The following DCC variants were observed in gnomAD, a reference collection of about 807,000 sequenced individuals.
DCC encodes DCC netrin 1 receptor, also known as netrin receptor DCC.
A neutral mutation model predicts 172.5 loss-of-function variants in DCC; 58 were observed. That is an observed-to-expected ratio of 0.34 (90% CI 0.27 to 0.42). The LOEUF (loss-of-function observed/expected upper bound fraction) is 0.42. DCC is among the 10% of genes least tolerant of loss of function. The pLI is 1.00. For synonymous variants in DCC, 709 were observed against 644.5 expected, an observed-to-expected ratio of 1.10 and a Z score of -1.52; for missense variants, 1,740 against 1,791.0, an observed-to-expected ratio of 0.97 and a Z score of 0.51.
At chr18:53,176,124 T>C (rs1226261306) in intron 8 of DCC, among the ~76,000 whole-genome samples, 9 of 139,744 alleles carry the variant, frequency 6.4e-5, no homozygotes, top group African/African-American at 2.5e-4. Flanking sequence ...TGGCTAGCCA[T>C]ATGTAGAAAG....
chr18:53,346,798 A>G (rs1300816047), intron 15 of DCC, among the ~76,000 whole-genome samples: 1 of 152,178 alleles, frequency 6.6e-6, no homozygotes, highest in African/African-American at 2.4e-5. Flanking sequence ...TCACTTGAGA[A>G]TGGACTATAT....
chr18:53,102,987 C>T (rs2043194721), intron 7 of DCC, among the ~76,000 whole-genome samples: 2 of 152,030 alleles, frequency 1.3e-5, no homozygotes, highest in Non-Finnish European at 2.9e-5. Flanking sequence ...TTTTGAAAAA[C>T]ATGAAATGCT....
rs150299572 is a variant in DCC, at chr18:53,397,344, G to C, written c.2725G>C (p.Gly909Arg). Residue 909 changes from glycine to arginine, a missense_variant, in exon 18 of 29, where the codon GGC becomes CGC. By Grantham distance (125) the Gly-to-Arg change is moderately radical (BLOSUM62 -2). Transcript: ENST00000442544. Reference protein sequence around the residue: ...DTTSLSYTATGLKPNTMYEFS... With the variant: ...DTTSLSYTATRLKPNTMYEFS... ...AACATCTCTAAGTTACACAGCAACAGGCCTCAAACCAAACACAATGTATGA... is the reference window on the plus strand; with the variant it reads ...AACATCTCTAAGTTACACAGCAACACGCCTCAAACCAAACACAATGTATGA... 1.2e-6 allele frequency: 2 copies of C among 1,613,726 alleles called. No individual in the cohort carries two copies. Among genetic ancestry groups the C allele is most frequent in the Non-Finnish European group, 1.7e-6 (2 of 1,179,838 alleles).
chr18:52,785,255 G>C (rs28587032), intron 2 of DCC, among the ~76,000 whole-genome samples: 8,040 of 152,114 alleles, frequency 0.053, 289 homozygotes, highest in South Asian at 0.16. Context: ...TTTAACATGT[G>C]TAGTCCCTAG....
intron 22 of DCC, among the ~76,000 whole-genome samples, chr18:53,448,954 T>C (rs1448223821): frequency 6.6e-6 from 1 of 152,230 alleles, no homozygotes; most frequent in Non-Finnish European, 1.5e-5. Flanking sequence ...GTTAGTCATG[T>C]AATTTTATTA....
chr18:52,896,415 A>C (rs1943111), intron 2 of DCC, among the ~76,000 whole-genome samples: 60,392 of 152,012 alleles, frequency 0.4, 12,563 homozygotes, highest in Non-Finnish European at 0.47. Flanking sequence ...ACCAAAGATG[A>C]CAGCAGAGCT....
Position 52,489,566 on chromosome 18 carries a change from G to T in DCC, c.91+148688G>T, listed in dbSNP as rs970582761. Among the ~76,000 whole-genome samples the T allele has an allele frequency of 4.6e-5, 7 of 152,194 alleles. No individual in the cohort carries two copies. In the South Asian group the frequency reaches 1.5e-3, roughly 32 times the overall value. On this transcript the variant is annotated intron_variant, in intron 1 of 28. Coordinates refer to ENST00000442544, the MANE Select transcript of DCC (RefSeq NM_005215.4). ...TCTCAGTAGCCGGTGGCTTGGAGAG[G>T]GGAAGCAATAATTTCTGGCCTTGAT... is the stretch of plus-strand genomic sequence containing the variant.
At chr18:53,431,764 A>G (rs1436803802) in intron 21 of DCC, among the ~76,000 whole-genome samples, 1 of 152,170 alleles carries the variant, frequency 6.6e-6, no homozygotes, top group Non-Finnish European at 1.5e-5. Flanking sequence ...GATTACAGGC[A>G]TGAGCTACCG....
chr18:53,162,545 T>G (rs992282764), intron 8 of DCC, among the ~76,000 whole-genome samples: 3 of 152,194 alleles, frequency 2.0e-5, no homozygotes, highest in African/African-American at 7.2e-5. Flanking sequence ...TGCCTTTTTC[T>G]CATGTTACTT....
chr18:52,723,944 C>CTGTCAACA, intron 1 of DCC, among the ~76,000 whole-genome samples: 1 of 152,140 alleles, frequency 6.6e-6, no homozygotes, highest in Non-Finnish European at 1.5e-5. Context: ...AACAACCAGT[C>CTGTCAACA]TGTCAACACT....
At chr18:52,691,922 G>GA (rs1476119092) in intron 1 of DCC, among the ~76,000 whole-genome samples, 2 of 152,070 alleles carry the variant, frequency 1.3e-5, no homozygotes, top group African/African-American at 4.8e-5. Flanking sequence ...TGACTTCAGG[G>GA]AAAAAGAGAG....
chr18:53,460,684 T>G (rs1397710829), intron 24 of DCC, among the ~76,000 whole-genome samples: 1 of 152,114 alleles, frequency 6.6e-6, no homozygotes, highest in Non-Finnish European at 1.5e-5. Context: ...CTATCATTGT[T>G]GGACATTTGG....
chr18:53,115,100 A>G (rs188255860), intron 7 of DCC, among the ~76,000 whole-genome samples: 89 of 151,656 alleles, frequency 5.9e-4, no homozygotes, highest in Middle Eastern at 3.4e-3. Flanking sequence ...TTAGCTAACC[A>G]ATGATTTGGA....
intron 15 of DCC, among the ~76,000 whole-genome samples, chr18:53,376,219 C>T (rs911600414): frequency 1.3e-5 from 2 of 151,970 alleles, no homozygotes; most frequent in Non-Finnish European, 2.9e-5. Flanking sequence ...TGGTGAAACA[C>T]TGTCTCTACT....
At chr18:52,711,459 A>C (rs2036291017) in intron 1 of DCC, among the ~76,000 whole-genome samples, 1 of 152,164 alleles carries the variant, frequency 6.6e-6, no homozygotes, top group Admixed American at 6.5e-5. Flanking sequence ...ACACAGAAGG[A>C]CCTCAATAAA....
intron 5 of DCC, among the ~76,000 whole-genome samples, chr18:52,957,693 G>A (rs1253274774): frequency 6.6e-6 from 1 of 152,112 alleles, no homozygotes; most frequent in Non-Finnish European, 1.5e-5. Flanking sequence ...TGAGAAATTA[G>A]TGTCCAGGGC....
intron 15 of DCC, among the ~76,000 whole-genome samples, chr18:53,379,124 G>C (rs921854379): frequency 1.3e-5 from 2 of 152,212 alleles, no homozygotes; most frequent in African/African-American, 4.8e-5. Flanking sequence ...TTTACCGTCT[G>C]ACAGCAATCC....
Position 52,688,323 on chromosome 18 carries a change from C to G in DCC, c.92-63731C>G, listed in dbSNP as rs186313453. 9.2e-5 allele frequency among the ~76,000 whole-genome samples: 14 copies of G among 152,094 alleles called. No individual in the cohort carries two copies. The East Asian group carries it at 2.5e-3, about 27-fold the overall frequency. ...CCCAGTAACTCTGAAAAGCCAATAG[C>G]AATATTTTAATTTTATAGACAAGAA... is the stretch of plus-strand genomic sequence containing the variant. On this transcript the variant is annotated intron_variant, in intron 1 of 28. Coordinates refer to ENST00000442544, the MANE Select transcript of DCC (RefSeq NM_005215.4).
chr18:53,377,314 C>T (rs1599082031), intron 15 of DCC, among the ~76,000 whole-genome samples: 1 of 150,224 alleles, frequency 6.7e-6, no homozygotes, highest in Non-Finnish European at 1.5e-5. Context: ...GCTACATTAT[C>T]CCATGGTGGA....
Sources: allele counts gnomAD v4.1 joint callset (sites outside exome capture counted in the v4.1 genomes callset), GRCh38; gene constraint gnomAD v4.1.1; transcripts MANE v1.5; gene names NCBI Gene and HGNC (gene_info 2026-07-23, HGNC 2026-07-21).